Variants in KIF15 observed in about 807,000 individuals in gnomAD.
KIF15 encodes kinesin-like protein KIF15.
Under a neutral mutation model 190.6 loss-of-function variants are expected in KIF15, and 140 were observed. That is an observed-to-expected ratio of 0.73 (90% CI 0.64 to 0.84). KIF15 has a LOEUF of 0.84. Among genes scored for constraint, KIF15 ranks in the 40% least tolerant of loss-of-function variants. The pLI is 0.00. For missense variants in KIF15, 1,372 were observed against 1,584.4 expected, an observed-to-expected ratio of 0.87 and a Z score of 2.28; for synonymous variants, 528 against 551.3, an observed-to-expected ratio of 0.96 and a Z score of 0.59.
At chr3:44,864,591 G>T (rs569090076) in intron 6 of KIF15, among the ~76,000 whole-genome samples, 37 of 152,224 alleles carry the variant, frequency 2.4e-4, no homozygotes, top group African/African-American at 8.7e-4. Context: ...TTCCTCCAGG[G>T]TGGAGCCCTC....
intron 4 of KIF15, among the ~76,000 whole-genome samples, chr3:44,780,618 C>A (rs1706117830): frequency 2.0e-5 from 3 of 151,990 alleles, no homozygotes; most frequent in Admixed American, 2.0e-4. Flanking sequence ...GAGCATCATC[C>A]CAATTTTGGT....
chr3:44,791,144 C>T (rs190165316), intron 7 of KIF15, among the ~76,000 whole-genome samples: 3 of 151,980 alleles, frequency 2.0e-5, no homozygotes, highest in Admixed American at 6.6e-5. Flanking sequence ...GTGTGTTTTG[C>T]CTGTTTCATC....
downstream of KIF15, among the ~76,000 whole-genome samples, chr3:44,856,940 G>A (rs1699195729): frequency 1.3e-5 from 2 of 152,170 alleles, no homozygotes; most frequent in South Asian, 4.1e-4. Context: ...AGTTCGGCTT[G>A]CTGAGAGGTA....
chr3:44,773,221 T>C (rs563382983), intron 1 of KIF15, among the ~76,000 whole-genome samples: 1 of 152,176 alleles, frequency 6.6e-6, no homozygotes, highest in East Asian at 1.9e-4. Flanking sequence ...AATGCAGGGC[T>C]TGAAAGATGC....
intron 33 of KIF15, 28 bp downstream of exon 33, chr3:44,851,980 A>T: frequency 6.2e-7 from 1 of 1,600,998 alleles, no homozygotes; most frequent in South Asian, 1.1e-5. Context: ...TGTTTTCATG[A>T]TACTTAGAAC....
At chr3:44,805,315 T>C in intron 15 of KIF15, 147 bp downstream of exon 15, 1 of 752,694 alleles carries the variant, frequency 1.3e-6, no homozygotes. Context: ...AGAAAGAGCA[T>C]GCTTCTAGCT....
intron 20 of KIF15, among the ~76,000 whole-genome samples, chr3:44,816,610 G>T (rs1708043889): frequency 6.6e-6 from 1 of 152,128 alleles, no homozygotes; most frequent in Non-Finnish European, 1.5e-5. Flanking sequence ...ATGTGTATAT[G>T]TGCCACATTT....
In KIF15 at chr3:44,826,127, C is replaced by T; in HGVS notation, c.2638C>T (p.Gln880Ter). Residue 880 changes from glutamine to a stop codon, truncating the protein, a stop_gained, in exon 21 of 35, where the codon CAA becomes TAA. Coordinates refer to ENST00000326047, the MANE Select transcript of KIF15 (RefSeq NM_020242.3). LOFTEE classifies it high-confidence loss of function. ...LQEIMKFEID[Q>*]LSRNLQNFKK... ...AGAAATAATGAAATTTGAGATTGAC[C>T]AACTTTCAAGAAACCTCCAAAACTT... 1 of 1,587,508 alleles carries T rather than the reference C, an allele frequency of 6.3e-7. No homozygotes were observed. The highest frequency in any genetic ancestry group is 8.5e-7 in the Non-Finnish European group (1 of 1,173,458).
chr3:44,802,140 A>C (rs1434239447), intron 13 of KIF15, among the ~76,000 whole-genome samples, 166 bp downstream of exon 13: 1 of 152,224 alleles, frequency 6.6e-6, no homozygotes, highest in East Asian at 1.9e-4. Flanking sequence ...AAATAGTTAA[A>C]GGGAAGAGAA....
chr3:44,853,552 C>A (rs1699137066), downstream of KIF15, among the ~76,000 whole-genome samples: 1 of 152,194 alleles, frequency 6.6e-6, no homozygotes, highest in South Asian at 2.1e-4. Flanking sequence ...TTTCATATCT[C>A]TTGAGCACAT....
At chr3:44,807,542 A>C (rs1265375834) in intron 16 of KIF15, among the ~76,000 whole-genome samples, 1 of 152,098 alleles carries the variant, frequency 6.6e-6, no homozygotes, top group East Asian at 1.9e-4. Flanking sequence ...AAATTTTCAA[A>C]GGCATTTAGT....
At chr3:44,786,722 A>T in intron 7 of KIF15, 148 bp downstream of exon 7, 1 of 582,570 alleles carries the variant, frequency 1.7e-6, no homozygotes. Flanking sequence ...ATAAAATAAT[A>T]TGGCAGTATT....
At chr3:44,866,349 G>A (rs1320579854) in intron 6 of KIF15, among the ~76,000 whole-genome samples, 3 of 152,160 alleles carry the variant, frequency 2.0e-5, no homozygotes, top group Non-Finnish European at 4.4e-5. Flanking sequence ...TGGGATTACA[G>A]GCGTGAGCCA....
chr3:44,860,141 A>C (rs2125737369), intron 6 of KIF15, among the ~76,000 whole-genome samples: 1 of 152,306 alleles, frequency 6.6e-6, no homozygotes, highest in Non-Finnish European at 1.5e-5. Flanking sequence ...TGAGATGCTT[A>C]ACCTTTAGTG....
intron 16 of KIF15, among the ~76,000 whole-genome samples, chr3:44,809,288 T>A (rs1451688447): frequency 6.6e-6 from 1 of 152,226 alleles, no homozygotes; most frequent in Non-Finnish European, 1.5e-5. Context: ...TATTGTTTTT[T>A]TATATTTTTC....
intron 23 of KIF15, 99 bp downstream of exon 23, chr3:44,827,627 G>A: frequency 1.6e-6 from 1 of 618,542 alleles, no homozygotes; most frequent in Non-Finnish European, 2.8e-6. Flanking sequence ...TGCAGATGTT[G>A]GAAATTAGTA....
intron 29 of KIF15, 54 bp from the exon 30 acceptor site, chr3:44,843,070 TA>T: frequency 7.4e-7 from 1 of 1,360,224 alleles, no homozygotes; most frequent in Non-Finnish European, 1.0e-6. Context: ...CTTGGGGAGC[TA>T]AATGAAGCCT....
In KIF15 at chr3:44,827,658, G is replaced by C. The variant is rs1009380405; in HGVS notation, c.2856+130G>C. ...TAGTAAGAAAGAAATGGAATTTGGGGCTGGTTCTATTATTTTTAATTTTAT... is the reference window on the plus strand; with the variant it reads ...TAGTAAGAAAGAAATGGAATTTGGGCCTGGTTCTATTATTTTTAATTTTAT... On this transcript the variant is annotated intron_variant, in intron 23 of 34. Transcript: ENST00000326047. The C allele has an allele frequency of 7.5e-6, 4 of 535,332 alleles. No individual in the cohort carries two copies. The African/African-American group carries it at 8.0e-5, about 11-fold the overall frequency. 33.2% of individuals were successfully genotyped at this position (535,332 alleles called of 1,614,324 possible).
rs781704272 is a variant in KIF15, at chr3:44,801,475, G to A, written c.1248G>A (p.Glu416=). 3.2e-6 allele frequency: 5 copies of A among 1,574,316 alleles called. No individual in the cohort carries two copies. The highest frequency in any genetic ancestry group is 3.4e-5 in the Admixed American group (2 of 59,650). ...ACAAAAAGAAGACTAACTATATGGA[G>A]TATTTCCAGGAAGCAATGTTATTCT... The part of the protein sequence containing the change: ...TRDKKKTNYM[E]YFQEAMLFFK... The change falls in exon 12 of 35, where the codon GAG becomes GAA. Residue 416 remains glutamate, a synonymous_variant. Transcript: ENST00000326047.
Sources: allele counts gnomAD v4.1 joint callset (sites outside exome capture counted in the v4.1 genomes callset), GRCh38; gene constraint gnomAD v4.1.1; transcripts MANE v1.5; gene names NCBI Gene and HGNC (gene_info 2026-07-23, HGNC 2026-07-21).